Variants in LCN9 observed in about 807,000 individuals in gnomAD.
The protein encoded by LCN9 is lipocalin 9, also known as epididymal-specific lipocalin-9.
A neutral mutation model predicts 18.5 loss-of-function variants in LCN9; 22 were observed. The ratio of observed to expected loss-of-function variants is 1.19; its 90% CI spans 0.85 to 1.70. The LOEUF is 1.70. LCN9 is among the 40% of genes most tolerant of loss of function. LCN9 has a pLI of 0.00. For missense variants in LCN9, 202 were observed against 201.3 expected (o/e 1.00, Z -0.02); for synonymous variants, 89 against 83.0 (o/e 1.07, Z -0.39).
chr9:135,665,553 C>A lies in LCN9; in HGVS notation c.419-135C>A. The stretch of plus-strand genomic sequence containing the variant: ...ACCTCCCATCTCACTTGGCACAAAG[C>A]CCCTCTCTGGTCAGGGCGTGACCCC... On this transcript the variant is annotated intron_variant, in intron 4 of 5. Transcript: ENST00000619315. The surrounding 1 kb of genome is among the most constrained non-coding windows in gnomAD (Gnocchi z 5.9). 1 of 909,746 alleles carries A rather than the reference C, an allele frequency of 1.1e-6. No individual in the cohort carries two copies. The highest frequency in any genetic ancestry group is 1.7e-6 in the Non-Finnish European group (1 of 586,108). 56.4% of individuals were successfully genotyped at this position (909,746 alleles called of 1,614,324 possible).
exon 6 of LCN9, chr9:135,666,193 T>A: frequency 6.6e-7 from 1 of 1,525,760 alleles, no homozygotes; most frequent in Non-Finnish European, 8.8e-7. Flanking sequence ...CAGGATTTAC[T>A]TTCTCACAGC....
chr9:135,664,134 C>G lies in LCN9; in HGVS notation c.97-28C>G. ...CATCCCCAGGGCTGTCCCGCGGCCC[C>G]CCACCCACTGGAGCTCTTTGTCTTC... On this transcript the variant is annotated intron_variant, in intron 1 of 5. Transcript: ENST00000619315. This position sits in a 1 kb window ranked among gnomAD's most constrained non-coding sequence, Gnocchi z 4.5. 1.2e-6 allele frequency: 2 copies of G among 1,611,576 alleles called. No individual in the cohort carries two copies. The highest frequency in any genetic ancestry group is 1.1e-5 in the South Asian group (1 of 90,920).
chr9:135,666,073 G>A (rs370873420), exon 6 of LCN9: 71 of 1,599,536 alleles, frequency 4.4e-5, no homozygotes, highest in South Asian at 3.5e-4. Context: ...TCCTGGAGTC[G>A]GGGCAGTGAT....
chr9:135,663,326 C>G, exon 1 of LCN9: 1 of 1,613,414 alleles, frequency 6.2e-7, no homozygotes, highest in Non-Finnish European at 8.5e-7. Flanking sequence ...GCAAAGATGG[C>G]TCTGCTTCTG....
At position 135,664,339 on chromosome 9, in the gene LCN9, G is replaced by C; in HGVS notation, c.233+41G>C. ...CTCAGCTGGCATCAGGAAGACCCATGCCCCTGCCACCCCAACGCATACTCT... is the reference window on the plus strand; with the variant it reads ...CTCAGCTGGCATCAGGAAGACCCATCCCCCTGCCACCCCAACGCATACTCT... On this transcript the variant is annotated intron_variant, in intron 2 of 5. Coordinates refer to ENST00000619315, the Ensembl canonical transcript of LCN9. This position sits in a 1 kb window ranked among gnomAD's most constrained non-coding sequence, Gnocchi z 4.5. The C allele has an allele frequency of 6.2e-7, 1 of 1,611,910 alleles. No homozygotes were observed.
At chr9:135,663,770 G>A (rs1040699438) in intron 1 of LCN9, among the ~76,000 whole-genome samples, 3 of 139,110 alleles carry the variant, frequency 2.2e-5, no homozygotes, top group African/African-American at 8.0e-5. Flanking sequence ...CAGTGGGAAA[G>A]GGTGGAGCGG....
intron 1 of LCN9, among the ~76,000 whole-genome samples, chr9:135,663,697 G>A (rs1564285714): frequency 6.7e-6 from 1 of 149,140 alleles, no homozygotes; most frequent in Admixed American, 6.6e-5. Flanking sequence ...GGGAGATGGG[G>A]GCCCTAAGAG....
chr9:135,666,053 G>C, exon 6 of LCN9: 1 of 1,599,598 alleles, frequency 6.3e-7, no homozygotes, highest in Non-Finnish European at 8.5e-7. Flanking sequence ...GAAAGATGCT[G>C]TGAAAAGCAT....
Position 135,664,385 on chromosome 9 carries a change from C to T in LCN9, c.233+87C>T, listed in dbSNP as rs141127781. 122 of 1,512,696 alleles carry T rather than the reference C, an allele frequency of 8.1e-5. No homozygotes were observed. The African/African-American group carries it at 9.1e-4, about 11-fold the overall frequency. The allele number at this position is 1,512,696 out of a possible 1,614,324, so 93.7% of individuals were successfully genotyped here. ...ACTCTCACTCTTGCACACACACGCT[C>T]GCACACTCACTGACTTGCACTCTGG... On this transcript the variant is annotated intron_variant, in intron 2 of 5. Coordinates refer to ENST00000619315, the Ensembl canonical transcript of LCN9. The surrounding 1 kb of genome is among the most constrained non-coding windows in gnomAD (Gnocchi z 4.5).
chr9:135,665,702 G>T lies in LCN9; in HGVS notation c.433G>T (p.Ala145Ser), dbSNP rs776931113. Residue 145 changes from alanine (A) to serine (S), a missense_variant, in exon 5 of 6, where the codon GCG (alanine) becomes TCG (serine). Coordinates refer to ENST00000619315, the Ensembl canonical transcript of LCN9. This position sits in a 1 kb window ranked among gnomAD's most constrained non-coding sequence, Gnocchi z 5.9. ...TTCCTGAGCAGATTTGAAGAAACCT[G>T]CGAAAAGTACGGACTTGGCTCACAA... 3.4e-5 allele frequency: 55 copies of T among 1,613,126 alleles called. No individual in the cohort carries two copies. The highest frequency in any genetic ancestry group is 4.6e-5 in the Non-Finnish European group (54 of 1,179,648).
In LCN9 at chr9:135,664,253, T is replaced by C; in HGVS notation, c.188T>C (p.Ile63Thr). The change falls in exon 2 of 6, where the codon ATT (isoleucine) becomes ACT (threonine). Residue 63 changes from isoleucine (I) to threonine (T), a missense_variant. By Grantham distance (89) the Ile-to-Thr change is moderately conservative. Transcript: ENST00000619315. This position sits in a 1 kb window ranked among gnomAD's most constrained non-coding sequence, Gnocchi z 4.5. ...GACCTGAGGGTCTTCGTCCGGAATA[T>C]TGAACACTTGAAGAACGGCAGCCTA... 1 of 1,613,782 alleles carries C rather than the reference T, an allele frequency of 6.2e-7. No individual in the cohort carries two copies. The highest frequency in any genetic ancestry group is 8.5e-7 in the Non-Finnish European group (1 of 1,179,782).
chr9:135,663,832 GGGGCAGAGGGGGCCCTGGAA>G (rs1834161417), intron 1 of LCN9, among the ~76,000 whole-genome samples: 2 of 30,788 alleles, frequency 6.5e-5, no homozygotes, highest in South Asian at 2.0e-3. Context: ...AGAGACCTGT[GGGGCAGAGGGGGCCCTGGAA>G]GGGCAGAGGG....
At position 135,665,601 on chromosome 9, in the gene LCN9, G is replaced by A. The variant is rs1834204838; in HGVS notation, c.419-87G>A. The A allele has an allele frequency of 3.0e-6, 4 of 1,351,930 alleles. No homozygotes were observed. The East Asian group carries it at 9.9e-5, about 33-fold the overall frequency. The allele number at this position is 1,351,930 out of a possible 1,614,324, so 83.7% of individuals were successfully genotyped here. ...CCCCTGCCCAGCCTCAGCACTTCCT[G>A]AGCACCCCCAGCAAGGCCCAGCTTC... On this transcript the variant is annotated intron_variant, in intron 4 of 5. Transcript: ENST00000619315. The surrounding 1 kb of genome is among the most constrained non-coding windows in gnomAD (Gnocchi z 5.9).
Position 135,664,659 on chromosome 9 carries a change from TCTGCCATCGCACGTCCAGGGGG to T in LCN9, c.234-59_234-38del, listed in dbSNP as rs1236972146. The T allele has an allele frequency of 2.8e-6, 4 of 1,414,042 alleles. No individual in the cohort carries two copies. Among genetic ancestry groups the T allele is most frequent in the Non-Finnish European group, 3.8e-6 (4 of 1,044,250 alleles). The allele number at this position is 1,414,042 out of a possible 1,614,324, so 87.6% of individuals were successfully genotyped here. ...CCTGTGCCCTGGAGGAGGGGTGCTC[TCTGCCATCGCACGTCCAGGGGG>T]CTGGAGCTCCACTCCCGGCATCTTC... On this transcript the variant is annotated intron_variant, in intron 2 of 5. Transcript: ENST00000619315. This position sits in a 1 kb window ranked among gnomAD's most constrained non-coding sequence, Gnocchi z 4.5.
At position 135,664,266 on chromosome 9, in the gene LCN9, G is replaced by T. The variant is rs748480565; in HGVS notation, c.201G>T (p.Lys67Asn). 1.6e-5 allele frequency: 26 copies of T among 1,613,748 alleles called. No homozygotes were observed. The highest frequency in any genetic ancestry group is 2.7e-5 in the African/African-American group (2 of 74,896). ...TCGTCCGGAATATTGAACACTTGAA[G>T]AACGGCAGCCTAATATTTGATTTCG... Residue 67 changes from lysine to asparagine, a missense_variant, in exon 2 of 6, where the codon AAG becomes AAT. By Grantham distance (94) the Lys-to-Asn change is moderately conservative. Coordinates refer to ENST00000619315, the Ensembl canonical transcript of LCN9. The surrounding 1 kb of genome is among the most constrained non-coding windows in gnomAD (Gnocchi z 4.5).
chr9:135,665,449 T>C lies in LCN9; in HGVS notation c.418+94T>C. On this transcript the variant is annotated intron_variant, in intron 4 of 5. Coordinates refer to ENST00000619315, the Ensembl canonical transcript of LCN9. This position sits in a 1 kb window ranked among gnomAD's most constrained non-coding sequence, Gnocchi z 5.9. The stretch of plus-strand genomic sequence containing the variant: ...GCGGAGGAGGGTCTCGCAGTGGCCC[T>C]GGGGTTTGGAGAGGTGGTTCCCGTT... 9.2e-7 allele frequency: 1 copy of C among 1,092,136 alleles called. No individual in the cohort carries two copies. The highest frequency in any genetic ancestry group is 1.4e-6 in the Non-Finnish European group (1 of 735,848). The allele number at this position is 1,092,136 out of a possible 1,614,324, so 67.7% of individuals were successfully genotyped here.
chr9:135,663,588 G>A (rs1225116680), intron 1 of LCN9, among the ~76,000 whole-genome samples, 171 bp downstream of exon 1: 5 of 151,992 alleles, frequency 3.3e-5, no homozygotes, highest in South Asian at 4.2e-4. Context: ...CGGGAGGGTC[G>A]GGTGGGAGAG....
rs770310916 is a variant in LCN9 at position 135,665,656 on chromosome 9, G to A, written c.419-32G>A. On this transcript the variant is annotated intron_variant, in intron 4 of 5. Coordinates refer to ENST00000619315, the Ensembl canonical transcript of LCN9. The surrounding 1 kb of genome is among the most constrained non-coding windows in gnomAD (Gnocchi z 5.9). ...AGAACCAACTCTGTTCCCAGCACGG[G>A]TCCCATAGCTGGAACCCTCCTTCCT... 127 of 1,600,444 alleles carry A rather than the reference G, an allele frequency of 7.9e-5. No homozygotes were observed. Among genetic ancestry groups the A allele is most frequent in the Middle Eastern group, 1.6e-4 (1 of 6,074 alleles).
rs1479011818 is a variant in LCN9, at chr9:135,665,117, C to G, written c.308-128C>G. The G allele has an allele frequency of 1.4e-6, 1 of 701,948 alleles. No homozygotes were observed. The highest frequency in any genetic ancestry group is 2.5e-6 in the Non-Finnish European group (1 of 397,890). The allele number at this position is 701,948 out of a possible 1,614,324, so 43.5% of individuals were successfully genotyped here. A position where few individuals can be genotyped will look rare whatever the true frequency, so the allele number is the denominator to read the frequency against. ...GCAGGGGTCTCCGCTGGGTGAGCAC[C>G]GTGGGCTCCTCCCCTCCCGCCTCAA... On this transcript the variant is annotated intron_variant, in intron 3 of 5. Coordinates refer to ENST00000619315, the Ensembl canonical transcript of LCN9. This position sits in a 1 kb window ranked among gnomAD's most constrained non-coding sequence, Gnocchi z 5.9.
Sources: allele counts gnomAD v4.1 joint callset (sites outside exome capture counted in the v4.1 genomes callset), GRCh38; gene constraint gnomAD v4.1.1; non-coding constraint Gnocchi (gnomAD v3.1); transcripts MANE v1.5; gene names NCBI Gene and HGNC (gene_info 2026-07-23, HGNC 2026-07-21).